The following ZC2HC1C variants were observed in gnomAD, a reference collection of about 807,000 sequenced individuals.
ZC2HC1C encodes zinc finger C2HC-type containing 1C.
Under a neutral mutation model 39.2 loss-of-function variants are expected in ZC2HC1C, and 25 were observed. The ratio of observed to expected loss-of-function variants is 0.64; its 90% CI spans 0.47 to 0.89. The LOEUF is 0.89. ZC2HC1C is among the 40% of genes least tolerant of loss of function. The pLI is 0.00. For synonymous variants in ZC2HC1C, 209 were observed against 214.4 expected (o/e 0.97, Z 0.22); for missense variants, 519 against 548.6 (o/e 0.95, Z 0.54).
Position 75,078,936 on chromosome 14 carries a change from C to T in ZC2HC1C, c.*1372C>T, listed in dbSNP as rs546638959. On this transcript the variant is annotated 3_prime_UTR_variant, in exon 3 of 3. Transcript: ENST00000524913. Reference sequence around the variant, plus strand: ...AAATTAAACAAGAAGATGAGTGAGTCCTACACTAGTGAAATCAGAGAACTG... The same window carrying T: ...AAATTAAACAAGAAGATGAGTGAGTTCTACACTAGTGAAATCAGAGAACTG... The T allele has an allele frequency of 6.6e-6, 1 of 152,068 alleles. No individual in the cohort carries two copies. The highest frequency in any genetic ancestry group is 2.1e-4 in the South Asian group (1 of 4,798). The allele number at this position is 152,068 out of a possible 1,614,324, so 9.4% of individuals were successfully genotyped here. A position where few individuals can be genotyped will look rare whatever the true frequency, so the allele number is the denominator to read the frequency against.
intron 2 of ZC2HC1C, chr14:75,073,596 T>C: frequency 7.8e-7 from 1 of 1,289,314 alleles, no homozygotes; most frequent in Non-Finnish European, 1.0e-6. Context: ...AGCTGAGTGG[T>C]TGTACCTTCC....
rs753888429 is a variant in ZC2HC1C at position 75,071,644 on chromosome 14, A to G, written c.1071A>G (p.Pro357=). The G allele has an allele frequency of 9.9e-6, 16 of 1,614,216 alleles. No homozygotes were observed. In the South Asian group the frequency reaches 1.6e-4, roughly 17 times the overall value. ...AATTCTCCCCGCCTTCAGAAACACC[A>G]GTCGGTGCTTTGCAGGGATCCGCCA... ...VEKFSPPSET[P]VGALQGSARN... Residue 357 remains proline (P), a synonymous_variant, in exon 2 of 3, where the codon CCA becomes CCG. Transcript: ENST00000524913.
rs774702710 is a variant in ZC2HC1C, at chr14:75,071,461, T to C, written c.888T>C (p.Phe296=). 1.2e-6 allele frequency: 2 copies of C among 1,614,168 alleles called. No homozygotes were observed. Among genetic ancestry groups the C allele is most frequent in the South Asian group, 2.2e-5 (2 of 91,080 alleles). The change falls in exon 2 of 3, where the codon TTT becomes TTC. Residue 296 remains phenylalanine (F), a synonymous_variant. Transcript: ENST00000524913. ...FSPEFEFEEE[F]SRDRREDETW... is the part of the protein sequence containing the mutation. Reference sequence around the variant, plus strand: ...CAGAATTTGAGTTTGAGGAAGAATTTAGTAGAGACAGGAGAGAGGATGAAA... The same window carrying C: ...CAGAATTTGAGTTTGAGGAAGAATTCAGTAGAGACAGGAGAGAGGATGAAA...
At chr14:75,074,712 C>CA (rs986773963) in intron 2 of ZC2HC1C, among the ~76,000 whole-genome samples, 1 of 152,170 alleles carries the variant, frequency 6.6e-6, no homozygotes, top group African/African-American at 2.4e-5. Flanking sequence ...GCTGGGCTTA[C>CA]AGGCGAGTGC....
chr14:75,072,135 C>G (rs976915414), intron 2 of ZC2HC1C, among the ~76,000 whole-genome samples: 3 of 152,202 alleles, frequency 2.0e-5, no homozygotes, highest in Admixed American at 1.3e-4. Context: ...AAGACTTGGA[C>G]AGGCTAAGTA....
intron 2 of ZC2HC1C, among the ~76,000 whole-genome samples, chr14:75,073,127 G>A (rs1893502201): frequency 6.6e-6 from 1 of 152,226 alleles, no homozygotes; most frequent in African/African-American, 2.4e-5. Flanking sequence ...ATGGTTGTTA[G>A]AAGAAATTGT....
At position 75,077,868 on chromosome 14, in the gene ZC2HC1C, T is replaced by C. The variant is rs2139689253; in HGVS notation, c.*304T>C. On this transcript the variant is annotated 3_prime_UTR_variant, in exon 3 of 3. Coordinates refer to ENST00000524913, the MANE Select transcript of ZC2HC1C (RefSeq NM_024643.4). ...CTTCAGCAGTAAATGGGAGTAGAAT[T>C]TGATGCAAAGCAGAAAGAAATCAAA... 1 of 337,390 alleles carries C rather than the reference T, an allele frequency of 3.0e-6. No homozygotes were observed. The highest frequency in any genetic ancestry group is 5.5e-6 in the Non-Finnish European group (1 of 182,678). The allele number at this position is 337,390 out of a possible 1,614,324, so 20.9% of individuals were successfully genotyped here.
intron 2 of ZC2HC1C, among the ~76,000 whole-genome samples, chr14:75,072,571 C>T (rs1412399570): frequency 6.6e-6 from 1 of 152,188 alleles, no homozygotes; most frequent in Non-Finnish European, 1.5e-5. Flanking sequence ...AATTATTTCT[C>T]ACTTTAGAAA....
At chr14:75,071,937 T>A in intron 2 of ZC2HC1C, 26 bp downstream of exon 2, 1 of 1,551,050 alleles carries the variant, frequency 6.4e-7, no homozygotes, top group Non-Finnish European at 8.7e-7. Context: ...TGGATGTGAC[T>A]TGGTGTGGTG....
rs1373716349 is a variant in ZC2HC1C at position 75,078,468 on chromosome 14, TTCTC to T, written c.*908_*911del. The T allele has an allele frequency of 2.6e-5, 4 of 152,192 alleles. No individual in the cohort carries two copies. Among genetic ancestry groups the T allele is most frequent in the African/African-American group, 9.7e-5 (4 of 41,440 alleles). The allele number at this position is 152,192 out of a possible 1,614,324, so 9.4% of individuals were successfully genotyped here. ...GTGTTGGGGGGGAAACACATTATAC[TTCTC>T]TCTACTTGTTCTTTTCTAATGGGTT... On this transcript the variant is annotated 3_prime_UTR_variant, in exon 3 of 3. Coordinates refer to ENST00000524913, the MANE Select transcript of ZC2HC1C (RefSeq NM_024643.4).
At position 75,070,651 on chromosome 14, in the gene ZC2HC1C, G is replaced by GC; in HGVS notation, c.82dup (p.His28ProfsTer12). The stretch of plus-strand genomic sequence containing the variant: ...CACATAATACAACGGAAGCTCCAGG[G>GC]CCCCACTCAGCCAAGCAAGACTCTT... On this transcript the variant is annotated frameshift_variant, in exon 2 of 3. Coordinates refer to ENST00000524913, the MANE Select transcript of ZC2HC1C (RefSeq NM_024643.4). LOFTEE classifies it high-confidence loss of function. The GC allele has an allele frequency of 6.2e-7, 1 of 1,614,156 alleles. No individual in the cohort carries two copies. Among genetic ancestry groups the GC allele is most frequent in the Non-Finnish European group, 8.5e-7 (1 of 1,180,034 alleles).
rs1369040774 is a variant in ZC2HC1C at position 75,071,826 on chromosome 14, G to A, written c.1253G>A (p.Arg418Lys). ...TGCAGCAGGATGCGGGGTTCCAAGA[G>A]GAAAGTGTTTGACTCCTCCAGGGCC... ...NICSRMRGSK[R>K]KVFDSSRARA... The change falls in exon 2 of 3, where the codon AGG becomes AAG. Residue 418 changes from arginine (R) to lysine (K), a missense_variant. By Grantham distance (26) the Arg-to-Lys change is conservative (BLOSUM62 2). Transcript: ENST00000524913. 1 of 1,614,150 alleles carries A rather than the reference G, an allele frequency of 6.2e-7. No individual in the cohort carries two copies. The highest frequency in any genetic ancestry group is 2.2e-5 in the East Asian group (1 of 44,896).
At chr14:75,072,009 T>TAGGA in intron 2 of ZC2HC1C, 98 bp downstream of exon 2, 1 of 1,470,798 alleles carries the variant, frequency 6.8e-7, no homozygotes. Context: ...ATGTGTCATG[T>TAGGA]AGGAAGAATT....
intron 2 of ZC2HC1C, among the ~76,000 whole-genome samples, chr14:75,075,634 T>C (rs1243006278): frequency 6.6e-6 from 1 of 152,236 alleles, no homozygotes; most frequent in Admixed American, 6.5e-5. Context: ...TTTAAAAGGC[T>C]ACGGGATTCT....
At chr14:75,072,721 A>G (rs1329841375) in intron 2 of ZC2HC1C, among the ~76,000 whole-genome samples, 1 of 152,206 alleles carries the variant, frequency 6.6e-6, no homozygotes, top group Non-Finnish European at 1.5e-5. Context: ...TGGTTTATAA[A>G]ATGGTTATTT....
At chr14:75,077,511 A>G in intron 2 of ZC2HC1C, 21 bp from the exon 3 acceptor site, 2 of 1,614,162 alleles carry the variant, frequency 1.2e-6, no homozygotes, top group Middle Eastern at 1.7e-4. Context: ...TTGAATGATC[A>G]GTCTCCCTTT....
intron 2 of ZC2HC1C, among the ~76,000 whole-genome samples, chr14:75,072,248 A>G (rs552210983): frequency 6.6e-6 from 1 of 152,350 alleles, no homozygotes; most frequent in African/African-American, 2.4e-5. Context: ...CCTTTGGATT[A>G]TAAAAGTAAT....
chr14:75,071,888 T>G lies in ZC2HC1C; in HGVS notation c.1315T>G (p.Trp439Gly). The G allele has an allele frequency of 6.2e-7, 1 of 1,602,456 alleles. No homozygotes were observed. The highest frequency in any genetic ancestry group is 8.5e-7 in the Non-Finnish European group (1 of 1,174,784). The change falls in exon 2 of 3, where the codon TGG becomes GGG. Residue 439 changes from tryptophan (W) to glycine (G), a missense_variant. Trp to Gly is a radical substitution (Grantham distance 184). Coordinates refer to ENST00000524913, the MANE Select transcript of ZC2HC1C (RefSeq NM_024643.4). ...CACAGAACTAGAGCAGTACTTGAAC[T>G]GGAAGGGGCCAGCTTCAGCCAAGGT... is the stretch of plus-strand genomic sequence containing the variant. The part of the protein sequence containing the change: ...KGTELEQYLN[W>G]KGPASAKAEP...
At chr14:75,076,517 G>A (rs915337707) in intron 2 of ZC2HC1C, among the ~76,000 whole-genome samples, 3 of 152,058 alleles carry the variant, frequency 2.0e-5, no homozygotes, top group African/African-American at 4.8e-5. Context: ...ATCTCCCCAC[G>A]TTGGCCTCCC....
Sources: allele counts gnomAD v4.1 joint callset (sites outside exome capture counted in the v4.1 genomes callset), GRCh38; gene constraint gnomAD v4.1.1; transcripts MANE v1.5; gene names NCBI Gene and HGNC (gene_info 2026-07-23, HGNC 2026-07-21).